The following FAM53B variants were observed in gnomAD, a reference collection of about 807,000 sequenced individuals.
FAM53B encodes family with sequence similarity 53 member B.
A neutral mutation model predicts 32.7 loss-of-function variants in FAM53B; 12 were observed. That is an observed-to-expected ratio of 0.37 (90% CI 0.24 to 0.59). The LOEUF is 0.59. FAM53B is among the 20% of genes least tolerant of loss of function. The pLI, the probability that FAM53B is intolerant of heterozygous loss-of-function variation, is 0.72. For missense variants in FAM53B, 477 were observed against 577.7 expected (o/e 0.83, Z 1.79); for synonymous variants, 234 against 228.7 (o/e 1.02, Z -0.21).
At chr10:124,712,520 G>A (rs1046732793) in intron 1 of FAM53B, among the ~76,000 whole-genome samples, 3 of 152,240 alleles carry the variant, frequency 2.0e-5, no homozygotes, top group African/African-American at 4.8e-5. Flanking sequence ...ATCGTGGGCC[G>A]CACTCTCATC....
chr10:124,641,558 T>C (rs1238464144), intron 4 of FAM53B, among the ~76,000 whole-genome samples: 1 of 152,222 alleles, frequency 6.6e-6, no homozygotes, highest in Non-Finnish European at 1.5e-5. Flanking sequence ...CCATGTGTCA[T>C]CACTGAGGCC....
chr10:124,725,562 C>A (rs1444381030), intron 1 of FAM53B, among the ~76,000 whole-genome samples: 2 of 152,208 alleles, frequency 1.3e-5, no homozygotes, highest in African/African-American at 4.8e-5. Context: ...GTCAGCTCGA[C>A]CCAAATGCGG....
chr10:124,704,780 G>A (rs969840814), intron 2 of FAM53B, among the ~76,000 whole-genome samples: 1 of 152,262 alleles, frequency 6.6e-6, no homozygotes, highest in Non-Finnish European at 1.5e-5. Flanking sequence ...CACAGAGAAG[G>A]ACAGCTCTGA....
At chr10:124,724,681 C>T (rs1009650455) in intron 1 of FAM53B, among the ~76,000 whole-genome samples, 27 of 152,164 alleles carry the variant, frequency 1.8e-4, no homozygotes, top group African/African-American at 4.8e-4. Context: ...AGCTGCAAAA[C>T]GGTTATTTCC....
intron 4 of FAM53B, among the ~76,000 whole-genome samples, chr10:124,635,156 G>C (rs973326637): frequency 6.6e-6 from 1 of 152,160 alleles, no homozygotes; most frequent in East Asian, 1.9e-4. Context: ...GCAGTGGCAT[G>C]ATCTCGGCTC....
chr10:124,623,290 G>C lies in FAM53B; in HGVS notation c.1221C>G (p.Leu407=). 1.2e-6 allele frequency: 2 copies of C among 1,612,158 alleles called. No individual in the cohort carries two copies. Among genetic ancestry groups the C allele is most frequent in the African/African-American group, 1.3e-5 (1 of 75,046 alleles). Residue 407 remains leucine (L), a synonymous_variant, in exon 5 of 5, where the codon CTC becomes CTG. Transcript: ENST00000337318. The part of the protein sequence containing the change: ...WRDRGAPGNS[L]CSLDGELDIE... ...TGTCCAACTCGCCGTCCAGGGAGCA[G>C]AGGCTGTTCCCAGGGGCCCCGCGGT...
intron 1 of FAM53B, among the ~76,000 whole-genome samples, chr10:124,736,518 C>T (rs898515355): frequency 6.6e-6 from 1 of 152,268 alleles, no homozygotes; most frequent in African/African-American, 2.4e-5. Context: ...TGCAGAGAAG[C>T]TGCTCCCAGC....
intron 4 of FAM53B, among the ~76,000 whole-genome samples, chr10:124,658,524 T>C (rs1949610123): frequency 6.6e-6 from 1 of 152,218 alleles, no homozygotes; most frequent in South Asian, 2.1e-4. Context: ...CACAAGCATA[T>C]TCAGACCTGG....
chr10:124,664,596 C>A (rs1476044844), intron 4 of FAM53B, among the ~76,000 whole-genome samples: 1 of 152,222 alleles, frequency 6.6e-6, no homozygotes, highest in Non-Finnish European at 1.5e-5. Context: ...AGCCAACTCT[C>A]CGGCCCTCAG....
chr10:124,703,081 G>T (rs1363634437), intron 2 of FAM53B, among the ~76,000 whole-genome samples: 6 of 151,808 alleles, frequency 4.0e-5, no homozygotes, highest in Non-Finnish European at 7.4e-5. Context: ...TCACTCTGTC[G>T]CCCAGGCTGG....
intron 1 of FAM53B, among the ~76,000 whole-genome samples, chr10:124,730,681 T>C (rs532374817): frequency 6.6e-6 from 1 of 152,280 alleles, no homozygotes; most frequent in Non-Finnish European, 1.5e-5. Flanking sequence ...ACGTGAGAGG[T>C]GACCACCGCA....
At chr10:124,686,307 C>T (rs978393560) in intron 3 of FAM53B, among the ~76,000 whole-genome samples, 1 of 152,206 alleles carries the variant, frequency 6.6e-6, no homozygotes, top group East Asian at 1.9e-4. Flanking sequence ...TGAATTCCTA[C>T]AGGACCTACT....
intron 4 of FAM53B, among the ~76,000 whole-genome samples, chr10:124,669,968 GGTGGGT>G (rs1365797771): frequency 4.3e-5 from 3 of 69,986 alleles, no homozygotes; most frequent in Non-Finnish European, 7.0e-5. Flanking sequence ...AGGATTACAG[GGTGGGT>G]GAGGACCACA....
chr10:124,648,426 C>T (rs944878677), intron 4 of FAM53B, among the ~76,000 whole-genome samples: 11 of 152,230 alleles, frequency 7.2e-5, no homozygotes, highest in Non-Finnish European at 1.6e-4. Flanking sequence ...TGTGTCCTGG[C>T]CTGGCTCTCC....
intron 1 of FAM53B, 21 bp downstream of exon 1, chr10:124,743,992 G>C (rs1268389855): frequency 6.7e-6 from 1 of 148,902 alleles, no homozygotes; most frequent in Non-Finnish European, 1.5e-5. Context: ...CGCCGCCGCC[G>C]CCCGGCCCCG....
At chr10:124,730,989 C>T (rs970168032) in intron 1 of FAM53B, among the ~76,000 whole-genome samples, 1 of 152,190 alleles carries the variant, frequency 6.6e-6, no homozygotes, top group Non-Finnish European at 1.5e-5. Flanking sequence ...CCCAATAAAA[C>T]TTTATTTACA....
chr10:124,700,574 C>T (rs959124466), intron 2 of FAM53B, among the ~76,000 whole-genome samples: 3 of 151,988 alleles, frequency 2.0e-5, no homozygotes, highest in South Asian at 2.1e-4. Flanking sequence ...CCTCAGATCA[C>T]GAGAGAAGGT....
rs755465682 is a variant in FAM53B at position 124,682,237 on chromosome 10, C to G, written c.276G>C (p.Leu92=). 4 of 1,613,964 alleles carry G rather than the reference C, an allele frequency of 2.5e-6. No individual in the cohort carries two copies. The African/African-American group carries it at 5.3e-5, about 22-fold the overall frequency. ...GGTCGCTGATGCTGAGGTCTTTGAT[C>G]AGACTGGTCACAGCGCAGGCGGTCA... ...EAVTACAVTS[L]IKDLSISDHN... is the part of the protein sequence containing the mutation. Residue 92 remains leucine, a synonymous_variant, in exon 4 of 5, where the codon CTG becomes CTC. Coordinates refer to ENST00000337318, the MANE Select transcript of FAM53B (RefSeq NM_014661.4). This position sits in a 1 kb window ranked among gnomAD's most constrained non-coding sequence, Gnocchi z 5.2.
Position 124,666,386 on chromosome 10 carries a change from T to G in FAM53B, c.906+15221A>C, listed in dbSNP as rs1015845699. 7.2e-5 allele frequency among the ~76,000 whole-genome samples: 11 copies of G among 152,186 alleles called. 1 individual carries two copies. The highest frequency in any genetic ancestry group is 2.7e-4 in the African/African-American group (11 of 41,456). ...GCAACCTTCCAGGCTCACACTCACT[T>G]CCAGAGTGCTGGTAGATGGGGGCTC... is the stretch of plus-strand genomic sequence containing the variant. On this transcript the variant is annotated intron_variant, in intron 4 of 4. Coordinates refer to ENST00000337318, the MANE Select transcript of FAM53B (RefSeq NM_014661.4).
Sources: gnomAD v4.1 joint callset for allele counts (sites outside exome capture counted in the v4.1 genomes callset) on GRCh38, gnomAD v4.1.1 for gene constraint, Gnocchi (gnomAD v3.1) non-coding constraint, MANE v1.5 for transcripts, NCBI Gene and HGNC (gene_info 2026-07-23, HGNC 2026-07-21) for gene names.